IGSF11: variants seen among roughly 807,000 people sequenced by gnomAD.
IGSF11 encodes CXADR like 1.
IGSF11 carries 22 observed loss-of-function variants against 41.0 expected under a neutral mutation model. The observed-to-expected ratio is 0.54, with a 90% CI of 0.38 to 0.77. The LOEUF (loss-of-function observed/expected upper bound fraction) is 0.77, where lower values mean the gene tolerates loss of function less well. Among genes scored for constraint, IGSF11 ranks in the 30% least tolerant of loss-of-function variants. The pLI is 0.00. For missense variants in IGSF11, 444 were observed against 530.8 expected (o/e 0.84, Z 1.61); for synonymous variants, 219 against 201.3 (o/e 1.09, Z -0.74).
intron 1 of IGSF11, among the ~76,000 whole-genome samples, chr3:119,067,630 AC>A (rs751749092): frequency 1.3e-5 from 2 of 151,670 alleles, no homozygotes; most frequent in Non-Finnish European, 2.9e-5. Flanking sequence ...TGGGGAAAAA[AC>A]TTTAGATTTT....
At chr3:118,956,430 C>T (rs1944962283) in intron 1 of IGSF11, among the ~76,000 whole-genome samples, 1 of 152,154 alleles carries the variant, frequency 6.6e-6, no homozygotes. Flanking sequence ...TCATGTCTAG[C>T]TTTTGATTTA....
At chr3:119,127,447 C>A (rs1215201871) in intron 1 of IGSF11, among the ~76,000 whole-genome samples, 1 of 151,932 alleles carries the variant, frequency 6.6e-6, no homozygotes, top group East Asian at 1.9e-4. Flanking sequence ...ATGGAAAACA[C>A]ACTTCAGCAT....
intron 1 of IGSF11, among the ~76,000 whole-genome samples, chr3:118,975,363 T>TAAA (rs376307753): frequency 2.1e-5 from 3 of 140,698 alleles, no homozygotes; most frequent in African/African-American, 7.9e-5. Flanking sequence ...CTGCTGGATT[T>TAAA]AAAAAAAAAA....
intron 1 of IGSF11, among the ~76,000 whole-genome samples, chr3:119,093,960 A>C (rs1223529413): frequency 6.6e-6 from 1 of 152,140 alleles, no homozygotes; most frequent in Non-Finnish European, 1.5e-5. Context: ...AATCCAATTA[A>C]GATCAGAAGA....
In IGSF11 at chr3:118,930,245, C is replaced by G; in HGVS notation, c.83G>C (p.Ser28Thr). 6.2e-7 allele frequency: 1 copy of G among 1,613,592 alleles called. No homozygotes were observed. The highest frequency in any genetic ancestry group is 2.2e-5 in the East Asian group (1 of 44,872). ...GVAASLEVSE[S>T]PGSIQVARGQ... Reference sequence around the variant, plus strand: ...CCGGGCCACCTGGATACTCCCAGGGCTCTCTGACACTTCCAGGGATGCTGC... The same window carrying G: ...CCGGGCCACCTGGATACTCCCAGGGGTCTCTGACACTTCCAGGGATGCTGC... Residue 28 changes from serine (S) to threonine (T), a missense_variant, in exon 2 of 7, where the codon AGC becomes ACC. Ser to Thr is a moderately conservative substitution (Grantham distance 58, BLOSUM62 1). Coordinates refer to ENST00000393775, the MANE Select transcript of IGSF11 (RefSeq NM_001015887.3).
chr3:119,099,354 G>A (rs539731100), intron 1 of IGSF11, among the ~76,000 whole-genome samples: 297 of 152,302 alleles, frequency 2.0e-3, no homozygotes, highest in African/African-American at 6.4e-3. Context: ...ATCTCTGCAT[G>A]AGGGAAGGTA....
Position 118,928,655 on chromosome 3 carries a change from C to G in IGSF11, c.278G>C (p.Gly93Ala). Residue 93 changes from glycine (G) to alanine (A), a missense_variant, in exon 3 of 7, where the codon GGA becomes GCA. By Grantham distance (60) the Gly-to-Ala change is moderately conservative. Around this residue, in one of 3 missense-constraint regions of IGSF11, gnomAD observed 193 missense variants for 283.5 expected, o/e 0.68. Coordinates refer to ENST00000393775, the MANE Select transcript of IGSF11 (RefSeq NM_001015887.3). ...GGTAGCTGGCATGGTGCCTGTAAATCCTACCCTACCGTGGAACCGGGGGGC... is the reference window on the plus strand; with the variant it reads ...GGTAGCTGGCATGGTGCCTGTAAATGCTACCCTACCGTGGAACCGGGGGGC... ...DGAPRFHGRV[G>A]FTGTMPATNV... is the part of the protein sequence containing the mutation. The G allele has an allele frequency of 1.2e-6, 2 of 1,614,070 alleles. No homozygotes were observed. The highest frequency in any genetic ancestry group is 1.7e-6 in the Non-Finnish European group (2 of 1,180,008).
At chr3:119,131,481 C>G (rs894150083) in intron 1 of IGSF11, among the ~76,000 whole-genome samples, 2 of 151,832 alleles carry the variant, frequency 1.3e-5, no homozygotes, top group African/African-American at 4.8e-5. Flanking sequence ...AATGAAATAG[C>G]GAGAAGACAA....
intron 1 of IGSF11, among the ~76,000 whole-genome samples, chr3:119,019,696 C>A (rs902614289): frequency 1.6e-4 from 25 of 152,194 alleles, no homozygotes; most frequent in African/African-American, 6.0e-4. Flanking sequence ...ACAGACTAGG[C>A]CAGACTGGTA....
At chr3:119,143,688 T>A (rs4687971) in intron 1 of IGSF11, among the ~76,000 whole-genome samples, 142,973 of 152,216 alleles carry the variant, frequency 0.94, 67,213 homozygotes, top group East Asian at 1. Context: ...TAGATTTTTT[T>A]AAATGTGATC....
intron 1 of IGSF11, among the ~76,000 whole-genome samples, chr3:118,959,802 C>G (rs1373883455): frequency 6.6e-6 from 1 of 152,084 alleles, no homozygotes; most frequent in East Asian, 1.9e-4. Flanking sequence ...TAATCCAGCA[C>G]TTTGGGAGGC....
At chr3:118,940,992 T>C (rs1402852229) in intron 1 of IGSF11, among the ~76,000 whole-genome samples, 2 of 149,886 alleles carry the variant, frequency 1.3e-5, no homozygotes, top group African/African-American at 2.4e-5. Context: ...TTTAAACATA[T>C]CAATAAAACT....
intron 1 of IGSF11, among the ~76,000 whole-genome samples, chr3:119,020,272 C>T (rs1047765094): frequency 3.9e-5 from 6 of 152,214 alleles, no homozygotes; most frequent in Admixed American, 1.3e-4. Flanking sequence ...ACAGACACTA[C>T]TAGGTCTCTC....
intron 1 of IGSF11, among the ~76,000 whole-genome samples, chr3:119,132,858 C>T (rs1356150568): frequency 6.6e-6 from 1 of 152,152 alleles, no homozygotes; most frequent in East Asian, 1.9e-4. Flanking sequence ...GAAATCACAA[C>T]AAACTATCTC....
intron 1 of IGSF11, among the ~76,000 whole-genome samples, chr3:118,994,040 G>A (rs1010372950): frequency 1.3e-5 from 2 of 152,128 alleles, no homozygotes; most frequent in African/African-American, 4.8e-5. Flanking sequence ...CAATAAAATA[G>A]TTTTGCATTG....
chr3:118,989,307 G>A (rs1935554187), intron 1 of IGSF11, among the ~76,000 whole-genome samples: 1 of 152,100 alleles, frequency 6.6e-6, no homozygotes, highest in Non-Finnish European at 1.5e-5. Context: ...TCCACAAGAA[G>A]ATGGCTAAAT....
chr3:118,917,285 C>CA (rs1466917433), intron 4 of IGSF11, among the ~76,000 whole-genome samples: 3 of 148,874 alleles, frequency 2.0e-5, no homozygotes, highest in East Asian at 2.0e-4. Context: ...AATAGAGACA[C>CA]AAAAAACCCT....
intron 1 of IGSF11, among the ~76,000 whole-genome samples, chr3:119,136,473 T>C (rs2077563650): frequency 6.6e-6 from 1 of 152,004 alleles, no homozygotes; most frequent in Non-Finnish European, 1.5e-5. Context: ...AATTAAGGGA[T>C]GGAAAAGGAT....
intron 1 of IGSF11, among the ~76,000 whole-genome samples, chr3:119,098,275 A>ATGGGAATAC (rs2076888027): frequency 6.6e-6 from 1 of 152,126 alleles, no homozygotes; most frequent in Non-Finnish European, 1.5e-5. Flanking sequence ...TGCCTGTAAA[A>ATGGGAATAC]TGGGAATACT....
Sources: allele counts gnomAD v4.1 joint callset (sites outside exome capture counted in the v4.1 genomes callset), GRCh38; gene constraint gnomAD v4.1.1; regional missense constraint gnomAD v4.1.1; transcripts MANE v1.5; gene names NCBI Gene and HGNC (gene_info 2026-07-23, HGNC 2026-07-21).